The following KCNH6 variants were observed in gnomAD, a reference collection of about 807,000 sequenced individuals.
The protein encoded by KCNH6 is voltage-gated inwardly rectifying potassium channel KCNH6.
Under a neutral mutation model 83.4 loss-of-function variants are expected in KCNH6, and 81 were observed. The observed-to-expected ratio is 0.97, with a 90% CI of 0.81 to 1.17. The LOEUF (loss-of-function observed/expected upper bound fraction) is 1.17, where lower values mean the gene tolerates loss of function less well. KCNH6 is among the 50% of genes most tolerant of loss of function. KCNH6 has a pLI of 0.00. For missense variants in KCNH6, 1,203 were observed against 1,290.5 expected (o/e 0.93, Z 1.04); for synonymous variants, 503 against 545.6 (o/e 0.92, Z 1.09).
At chr17:63,529,110 C>T in intron 2 of KCNH6, among the ~76,000 whole-genome samples, 1 of 152,206 alleles carries the variant, frequency 6.6e-6, no homozygotes, top group Non-Finnish European at 1.5e-5. Context: ...GCTGGGATTA[C>T]AGGCATGAGC....
chr17:63,532,338 G>A (rs2147659908), intron 4 of KCNH6, among the ~76,000 whole-genome samples: 1 of 152,328 alleles, frequency 6.6e-6, no homozygotes, highest in South Asian at 2.1e-4. Context: ...CCTGATCAGA[G>A]CCCCAGTTTG....
Position 63,538,130 on chromosome 17 carries a change from GCGCGCTACC to G in KCNH6, c.1568_1576del (p.Ala523_His526delinsAsp). 6.2e-7 allele frequency: 1 copy of G among 1,614,112 alleles called. No homozygotes were observed. On this transcript the variant is annotated inframe_deletion, in exon 7 of 13. Coordinates refer to ENST00000314672, the MANE Select transcript of KCNH6 (RefSeq NM_001278919.2). The surrounding 1 kb of genome is among the most constrained non-coding windows in gnomAD (Gnocchi z 4.0). The stretch of plus-strand genomic sequence containing the variant: ...CATCCAGCGCCTGTACTCGGGCACC[GCGCGCTACC>G]ACACGCAGATGCTGCGTGTCAAGGA...
In KCNH6 at chr17:63,534,412, C is replaced by A; in HGVS notation, c.1101+101C>A. The A allele has an allele frequency of 8.2e-7, 1 of 1,220,468 alleles. No individual in the cohort carries two copies. Among genetic ancestry groups the A allele is most frequent in the Non-Finnish European group, 1.1e-6 (1 of 877,894 alleles). 75.6% of individuals were successfully genotyped at this position (1,220,468 alleles called of 1,614,324 possible). A position where few individuals can be genotyped will look rare whatever the true frequency, so the allele number is the denominator to read the frequency against. On this transcript the variant is annotated intron_variant, in intron 5 of 12. Transcript: ENST00000314672. This position sits in a 1 kb window ranked among gnomAD's most constrained non-coding sequence, Gnocchi z 5.0. ...CACTGGGTGCGGAGAGTATCTGGCA[C>A]TGGGCACCTTTGCTGAAGCACGTGG...
At chr17:63,529,133 C>A (rs1387336460) in intron 2 of KCNH6, among the ~76,000 whole-genome samples, 7 of 152,236 alleles carry the variant, frequency 4.6e-5, no homozygotes, top group Admixed American at 4.6e-4. Context: ...CCACGCCCGG[C>A]CAGGCATGGG....
rs1361174364 is a variant in KCNH6 at position 63,524,288 on chromosome 17, A to G, written c.226A>G (p.Ser76Gly). The G allele has an allele frequency of 2.5e-6, 4 of 1,613,880 alleles. No homozygotes were observed. The highest frequency in any genetic ancestry group is 1.6e-4 in the Middle Eastern group (1 of 6,084). ...CTTCCTCACAGGCCCCAACACACCA[A>G]GCAGCGCCGTGTCCCGCCTAGCGCA... ...CDFLTGPNTP[S>G]SAVSRLAQAL... The change falls in exon 2 of 13, where the codon AGC (serine) becomes GGC (glycine). Residue 76 changes from serine (S) to glycine (G), a missense_variant. Physicochemically the swap from Ser to Gly is moderately conservative, Grantham distance 56 (BLOSUM62 0). Transcript: ENST00000314672.
chr17:63,545,070 T>C lies in KCNH6; in HGVS notation c.2397-8T>C, dbSNP rs1252927705. On this transcript the variant is annotated splice_region_variant and splice_polypyrimidine_tract_variant and intron_variant, in intron 11 of 12. Coordinates refer to ENST00000314672, the MANE Select transcript of KCNH6 (RefSeq NM_001278919.2). ...CCCTGACCCTGACTGTGGGGTTCTGTCTGGCAGGCTGGAGTCCCGCGTGTC... is the reference window on the plus strand; with the variant it reads ...CCCTGACCCTGACTGTGGGGTTCTGCCTGGCAGGCTGGAGTCCCGCGTGTC... 1 of 1,611,696 alleles carries C rather than the reference T, an allele frequency of 6.2e-7. No individual in the cohort carries two copies. The highest frequency in any genetic ancestry group is 1.1e-5 in the South Asian group (1 of 91,084).
chr17:63,542,584 TG>T (rs2032929553), intron 9 of KCNH6, 150 bp downstream of exon 9: 1 of 676,972 alleles, frequency 1.5e-6, no homozygotes, highest in African/African-American at 1.8e-5. Context: ...GCTGGCGTCA[TG>T]CTAAGTATGA....
rs1195918133 is a variant in KCNH6 at position 63,538,592 on chromosome 17, C to G, written c.1884C>G (p.Leu628=). The G allele has an allele frequency of 6.2e-7, 1 of 1,612,834 alleles. No individual in the cohort carries two copies. Among genetic ancestry groups the G allele is most frequent in the Non-Finnish European group, 8.5e-7 (1 of 1,179,500 alleles). ...CGCTGGTGCACCTCGGCGACGTGCTCTCCACCCTCTACTTCATCTCCCGAG... is the reference window on the plus strand; with the variant it reads ...CGCTGGTGCACCTCGGCGACGTGCTGTCCACCCTCTACTTCATCTCCCGAG... ...GDTLVHLGDV[L]STLYFISRGS... is the part of the protein sequence containing the mutation. The change falls in exon 8 of 13, where the codon CTC becomes CTG. Residue 628 remains leucine, a synonymous_variant. Transcript: ENST00000314672. The surrounding 1 kb of genome is among the most constrained non-coding windows in gnomAD (Gnocchi z 4.0).
Position 63,535,533 on chromosome 17 carries a change from C to CA in KCNH6, c.1102-136_1102-135insA. ...CCATACTGTGCCACACTGCCAAGTGCGTGGCCCGGAGGAAGTTCTCCATAA... is the reference window on the plus strand; with the variant it reads ...CCATACTGTGCCACACTGCCAAGTGCAGTGGCCCGGAGGAAGTTCTCCATAA... On this transcript the variant is annotated intron_variant, in intron 5 of 12. Transcript: ENST00000314672. The surrounding 1 kb of genome is among the most constrained non-coding windows in gnomAD (Gnocchi z 4.9). 2 of 768,196 alleles carry CA rather than the reference C, an allele frequency of 2.6e-6. No homozygotes were observed. Among genetic ancestry groups the CA allele is most frequent in the Non-Finnish European group, 4.1e-6 (2 of 482,932 alleles). The allele number at this position is 768,196 out of a possible 1,614,324, so 47.6% of individuals were successfully genotyped here.
chr17:63,540,813 T>G (rs2032813314), intron 8 of KCNH6, among the ~76,000 whole-genome samples: 4 of 152,234 alleles, frequency 2.6e-5, no homozygotes, highest in Admixed American at 2.6e-4. Context: ...AAAGCAGTCA[T>G]GCTCCGTGGC....
rs1235391865 is a variant in KCNH6, at chr17:63,538,206, G to T, written c.1643G>T (p.Arg548Leu). The T allele has an allele frequency of 6.2e-7, 1 of 1,614,214 alleles. No individual in the cohort carries two copies. Among genetic ancestry groups the T allele is most frequent in the Non-Finnish European group, 8.5e-7 (1 of 1,180,030 alleles). The change falls in exon 7 of 13, where the codon CGC becomes CTC. Residue 548 changes from arginine (R) to leucine (L), a missense_variant. Physicochemically the swap from Arg to Leu is moderately radical, Grantham distance 102. Transcript: ENST00000314672. This position sits in a 1 kb window ranked among gnomAD's most constrained non-coding sequence, Gnocchi z 4.0. ...FHQIPNPLRQ[R>L]LEEYFQHAWS... ...CAGATCCCCAACCCACTGCGCCAGCGCCTGGAGGAGTATTTCCAGCACGCC... is the reference window on the plus strand; with the variant it reads ...CAGATCCCCAACCCACTGCGCCAGCTCCTGGAGGAGTATTTCCAGCACGCC...
At chr17:63,527,105 C>A (rs889038951) in intron 2 of KCNH6, among the ~76,000 whole-genome samples, 5 of 152,278 alleles carry the variant, frequency 3.3e-5, no homozygotes, top group East Asian at 1.9e-4. Flanking sequence ...CCTGGGTCCT[C>A]TTCTCTGAGG....
rs368706739 is a variant in KCNH6 at position 63,542,377 on chromosome 17, C to G, written c.2091C>G (p.Tyr697Ter). Reference protein sequence around the residue: ...RADLLEVLDMYPAFAESFWSK... With the variant: ...RADLLEVLDM Reference sequence around the variant, plus strand: ...ATCTGCTGGAGGTGCTGGACATGTACCCGGCCTTTGCGGAGAGCTTCTGGA... The same window carrying G: ...ATCTGCTGGAGGTGCTGGACATGTAGCCGGCCTTTGCGGAGAGCTTCTGGA... The change falls in exon 9 of 13, where the codon TAC becomes TAG. Residue 697 changes from tyrosine (Y) to a stop codon, truncating the protein, a stop_gained. Transcript: ENST00000314672. LOFTEE classifies it high-confidence loss of function. The G allele has an allele frequency of 8.1e-6, 13 of 1,614,056 alleles. No homozygotes were observed. In the African/African-American group the frequency reaches 1.7e-4, roughly 22 times the overall value.
In KCNH6 at chr17:63,535,648, A is replaced by T. The variant is rs377565655; in HGVS notation, c.1102-21A>T. 6.3e-7 allele frequency: 1 copy of T among 1,579,730 alleles called. No homozygotes were observed. The highest frequency in any genetic ancestry group is 2.3e-5 in the East Asian group (1 of 44,426). ...TCCAAGGGCTGACCCCAGCCCTGTG[A>T]CCATTTCCCTACCCCTCCAGACCAC... On this transcript the variant is annotated intron_variant, in intron 5 of 12. Transcript: ENST00000314672. The surrounding 1 kb of genome is among the most constrained non-coding windows in gnomAD (Gnocchi z 4.9).
At chr17:63,542,544 T>A in intron 9 of KCNH6, 110 bp downstream of exon 9, 1 of 898,958 alleles carries the variant, frequency 1.1e-6, no homozygotes, top group Non-Finnish European at 1.7e-6. Context: ...TCCTGCAACC[T>A]TTGCCATAAT....
Position 63,528,829 on chromosome 17 carries a change from TTTTGTTTG to T in KCNH6, c.308-1245_308-1238del, listed in dbSNP as rs61588369. Among the ~76,000 whole-genome samples the T allele has an allele frequency of 9.3e-5, 14 of 150,590 alleles. No homozygotes were observed. In the South Asian group the frequency reaches 1.9e-3, roughly 20 times the overall value. ...GCCTGGGGCTCTTGGGTATGGGGTA[TTTTGTTTG>T]TTTGTTTGTTTGTTTGAGACAGAGT... On this transcript the variant is annotated intron_variant, in intron 2 of 12. Transcript: ENST00000314672.
Position 63,538,045 on chromosome 17 carries a change from A to T in KCNH6, c.1502-20A>T. 1 of 1,608,432 alleles carries T rather than the reference A, an allele frequency of 6.2e-7. No homozygotes were observed. The highest frequency in any genetic ancestry group is 8.5e-7 in the Non-Finnish European group (1 of 1,178,410). On this transcript the variant is annotated intron_variant, in intron 6 of 12. Transcript: ENST00000314672. This position sits in a 1 kb window ranked among gnomAD's most constrained non-coding sequence, Gnocchi z 4.0. Reference sequence around the variant, plus strand: ...GCCCAGTGGGGCCGCGGAGGAGCTCACTCTCCGCCCCGCCCCCAGCCCTGA... The same window carrying T: ...GCCCAGTGGGGCCGCGGAGGAGCTCTCTCTCCGCCCCGCCCCCAGCCCTGA...
In KCNH6 at chr17:63,535,770, C is replaced by T. The variant is rs771145097; in HGVS notation, c.1203C>T (p.Leu401=). ...DRYSEYGAAV[L]FLLMCTFALI... is the part of the protein sequence containing the mutation. ...ACTCTGAGTATGGGGCGGCTGTGCT[C>T]TTCTTGCTCATGTGCACCTTCGCGC... Residue 401 remains leucine (L), a synonymous_variant, in exon 6 of 13, where the codon CTC becomes CTT. Transcript: ENST00000314672. This position sits in a 1 kb window ranked among gnomAD's most constrained non-coding sequence, Gnocchi z 4.9. The T allele has an allele frequency of 6.2e-7, 1 of 1,614,224 alleles. No individual in the cohort carries two copies. Among genetic ancestry groups the T allele is most frequent in the Non-Finnish European group, 8.5e-7 (1 of 1,180,048 alleles).
In KCNH6 at chr17:63,543,172, G is replaced by A. The variant is rs551683358; in HGVS notation, c.2149-404G>A. 8.3e-4 allele frequency among the ~76,000 whole-genome samples: 126 copies of A among 152,336 alleles called. 5 individuals carry two copies. The South Asian group carries it at 0.026, about 31-fold the overall frequency. ...TGGTGCCCCGCCCCTCCACCTTGGG[G>A]GAGGGCCCTGCTGGCGTAGGCCCTG... On this transcript the variant is annotated intron_variant, in intron 9 of 12. Coordinates refer to ENST00000314672, the MANE Select transcript of KCNH6 (RefSeq NM_001278919.2).
Sources: allele counts gnomAD v4.1 joint callset (sites outside exome capture counted in the v4.1 genomes callset), GRCh38; gene constraint gnomAD v4.1.1; non-coding constraint Gnocchi (gnomAD v3.1); transcripts MANE v1.5; gene names NCBI Gene and HGNC (gene_info 2026-07-23, HGNC 2026-07-21).